Variants in ATG16L2 observed in about 807,000 individuals in gnomAD.
ATG16L2 encodes protein Atg16l2.
A neutral mutation model predicts 84.7 loss-of-function variants in ATG16L2; 77 were observed. The ratio of observed to expected loss-of-function variants is 0.91; its 90% CI spans 0.76 to 1.10. The LOEUF (loss-of-function observed/expected upper bound fraction) is 1.10. ATG16L2 is among the 50% of genes least tolerant of loss of function. The probability of loss-of-function intolerance (pLI) is 0.00; values close to 1 mark genes in which losing one functional copy is unlikely to be tolerated. For missense variants in ATG16L2, 782 were observed against 817.6 expected (o/e 0.96, Z 0.53); for synonymous variants, 361 against 342.8 (o/e 1.05, Z -0.59).
In ATG16L2 at chr11:72,821,691, G is replaced by A; in HGVS notation, c.342G>A (p.Lys114=). The part of the protein sequence containing the change: ...CGEMAYQVVE[K]GAALGTLESE... ...AGATGGCCTACCAGGTGGTGGAGAA[G>A]GGCGCGGCCCTGGGCACGCTGGAGT... The change falls in exon 4 of 18, where the codon AAG becomes AAA. Residue 114 remains lysine, a synonymous_variant. Transcript: ENST00000321297. 6.5e-7 allele frequency: 1 copy of A among 1,537,216 alleles called. No individual in the cohort carries two copies. Among genetic ancestry groups the A allele is most frequent in the Non-Finnish European group, 8.7e-7 (1 of 1,146,048 alleles).
exon 6 of ATG16L2, chr11:72,842,984 A>G: frequency 1.1e-6 from 1 of 872,166 alleles, no homozygotes; most frequent in Admixed American, 2.7e-5. Flanking sequence ...CTGATGAATG[A>G]TTAACTTTAG....
At chr11:72,815,487 G>A (rs1282973883) in intron 1 of ATG16L2, among the ~76,000 whole-genome samples, 2 of 152,144 alleles carry the variant, frequency 1.3e-5, no homozygotes, top group African/African-American at 4.8e-5. Flanking sequence ...TTTGAGGGAG[G>A]GGGTCACCGC....
intron 11 of ATG16L2, 65 bp from the exon 12 acceptor site, chr11:72,826,442 CCCCTAGCCTCA>C: frequency 4.5e-6 from 7 of 1,568,030 alleles, no homozygotes; most frequent in Non-Finnish European, 6.1e-6. Context: ...TGTGAGGCAG[CCCCTAGCCTCA>C]TTCTGTGGCC....
chr11:72,836,982 C>A (rs1374541090), intron 5 of ATG16L2: 1 of 152,346 alleles, frequency 6.6e-6, no homozygotes, highest in Non-Finnish European at 1.5e-5. Flanking sequence ...TAAAATACAA[C>A]AAAAGATTTC....
chr11:72,816,643 G>T (rs1203073086), intron 1 of ATG16L2, 85 bp from the exon 2 acceptor site: 15 of 1,135,320 alleles, frequency 1.3e-5, no homozygotes, highest in Admixed American at 3.6e-5. Context: ...GGCTCCTTCA[G>T]CCCTTTTAGC....
chr11:72,819,884 T>G (rs1242842104), intron 3 of ATG16L2, among the ~76,000 whole-genome samples: 1 of 152,120 alleles, frequency 6.6e-6, no homozygotes, highest in Non-Finnish European at 1.5e-5. Flanking sequence ...TAGCTGGGAC[T>G]ACAGGCGCCC....
intron 2 of ATG16L2, 75 bp downstream of exon 2, chr11:72,816,902 C>A (rs918072601): frequency 1.6e-5 from 17 of 1,064,198 alleles, no homozygotes; most frequent in South Asian, 6.2e-5. Context: ...GTGCTGGGTT[C>A]ATTCTCTCCC....
Position 72,822,002 on chromosome 11 carries a change from G to C in ATG16L2, c.393-42G>C, listed in dbSNP as rs746843598. On this transcript the variant is annotated intron_variant, in intron 4 of 17. Transcript: ENST00000321297. The surrounding 1 kb of genome is among the most constrained non-coding windows in gnomAD (Gnocchi z 4.2). ...GGCATATTCCCACTGGGCAGTGACG[G>C]GGGAAGCTTGGGACCCGCTATCCGC... 5 of 1,468,780 alleles carry C rather than the reference G, an allele frequency of 3.4e-6. No individual in the cohort carries two copies. The highest frequency in any genetic ancestry group is 5.0e-5 in the East Asian group (2 of 39,916). The allele number at this position is 1,468,780 out of a possible 1,614,324, so 91.0% of individuals were successfully genotyped here.
intron 17 of ATG16L2, 61 bp from the exon 18 acceptor site, chr11:72,829,242 G>A (rs761680014): frequency 6.4e-7 from 1 of 1,572,414 alleles, no homozygotes; most frequent in South Asian, 1.1e-5. Flanking sequence ...AGTCGGGGCA[G>A]AGCCAGGTTG....
At chr11:72,825,025 A>G (rs1290156664) in intron 9 of ATG16L2, among the ~76,000 whole-genome samples, 183 bp downstream of exon 9, 1 of 152,134 alleles carries the variant, frequency 6.6e-6, no homozygotes, top group Non-Finnish European at 1.5e-5. Context: ...TGATGTGGGC[A>G]TAAGCCGGGG....
In ATG16L2 at chr11:72,824,092, A is replaced by G. The variant is rs778956881; in HGVS notation, c.857A>G (p.His286Arg). 4.3e-6 allele frequency: 7 copies of G among 1,614,032 alleles called. No individual in the cohort carries two copies. Among genetic ancestry groups the G allele is most frequent in the Non-Finnish European group, 5.9e-6 (7 of 1,180,026 alleles). ...SASATSLTLS[H>R]CVDVVKGLLD... Reference sequence around the variant, plus strand: ...TCAGCCACCTCCCTGACGCTGTCCCACTGTGTGGATGTGGTGAAGGGGCTT... The same window carrying G: ...TCAGCCACCTCCCTGACGCTGTCCCGCTGTGTGGATGTGGTGAAGGGGCTT... Residue 286 changes from histidine to arginine, a missense_variant, in exon 8 of 18, where the codon CAC becomes CGC. Transcript: ENST00000321297.
chr11:72,821,283 G>A (rs1859976643), intron 3 of ATG16L2: 4 of 1,022,498 alleles, frequency 3.9e-6, no homozygotes, highest in Non-Finnish European at 4.7e-6. Context: ...CCCGAGGGCC[G>A]GATGGGCATT....
intron 3 of ATG16L2, chr11:72,819,074 A>G (rs1485296519): frequency 6.6e-6 from 1 of 152,084 alleles, no homozygotes; most frequent in East Asian, 1.9e-4. Flanking sequence ...GCAAACCTAT[A>G]TCCTTAGGGC....
chr11:72,822,362 C>G lies in ATG16L2; in HGVS notation c.644+67C>G, dbSNP rs1327978022. 5 of 1,561,460 alleles carry G rather than the reference C, an allele frequency of 3.2e-6. No homozygotes were observed. The highest frequency in any genetic ancestry group is 3.4e-4 in the Middle Eastern group (2 of 5,920). On this transcript the variant is annotated intron_variant, in intron 5 of 17. Transcript: ENST00000321297. The surrounding 1 kb of genome is among the most constrained non-coding windows in gnomAD (Gnocchi z 4.2). ...CCCTGCAGGGAGGAGTCGGGCCTCG[C>G]CGGTGTCTGGAAGGGAGGGGGGCAG...
intron 2 of ATG16L2, 52 bp from the exon 3 acceptor site, chr11:72,817,704 G>C: frequency 6.3e-7 from 1 of 1,582,036 alleles, no homozygotes; most frequent in Non-Finnish European, 8.7e-7. Context: ...GGGTGCCTTT[G>C]GGCACTTGGG....
At position 72,842,760 on chromosome 11, in the gene ATG16L2, A is replaced by G. The variant is rs781752775; in HGVS notation, c.*165A>G. 3.7e-6 allele frequency: 6 copies of G among 1,613,876 alleles called. No individual in the cohort carries two copies. The African/African-American group carries it at 8.0e-5, about 22-fold the overall frequency. On this transcript the variant is annotated 3_prime_UTR_variant, in exon 6 of 6. Coordinates refer to the ATG16L2 transcript ENST00000534905. ...ATCATCTTGGTTTTCTTTGTTCAAG[A>G]TACGGATTATTGCTCCCTCAGGAAA...
At chr11:72,843,500 T>A (rs760918779) in exon 6 of ATG16L2, 2 of 1,613,706 alleles carry the variant, frequency 1.2e-6, no homozygotes, top group Non-Finnish European at 1.7e-6. Context: ...ACACCTCATG[T>A]TCCTCAATGG....
In ATG16L2 at chr11:72,822,309, C is replaced by A. The variant is rs946986990; in HGVS notation, c.644+14C>A. 2.0e-5 allele frequency: 30 copies of A among 1,518,646 alleles called. No individual in the cohort carries two copies. Among genetic ancestry groups the A allele is most frequent in the Non-Finnish European group, 2.5e-5 (28 of 1,140,120 alleles). 94.1% of individuals were successfully genotyped at this position (1,518,646 alleles called of 1,614,324 possible). On this transcript the variant is annotated intron_variant, in intron 5 of 17. Transcript: ENST00000321297. The surrounding 1 kb of genome is among the most constrained non-coding windows in gnomAD (Gnocchi z 4.2). ...GCGCCGGGAGCGGTGAGGGAGCAGGCCCCGCCCCTCCTGAGGAAAGGCCCC... is the reference window on the plus strand; with the variant it reads ...GCGCCGGGAGCGGTGAGGGAGCAGGACCCGCCCCTCCTGAGGAAAGGCCCC...
At chr11:72,829,697 G>C (rs1235920883), downstream of ATG16L2, 2 of 1,048,246 alleles carry the variant, frequency 1.9e-6, no homozygotes, top group East Asian at 1.2e-4. Context: ...AGTGGGCTCT[G>C]GAAGATCCAG....
Sources: gnomAD v4.1 joint callset for allele counts (sites outside exome capture counted in the v4.1 genomes callset) on GRCh38, gnomAD v4.1.1 for gene constraint, Gnocchi (gnomAD v3.1) non-coding constraint, MANE v1.5 for transcripts, NCBI Gene and HGNC (gene_info 2026-07-23, HGNC 2026-07-21) for gene names.